Variants in GPM6A observed in about 807,000 individuals in gnomAD.
The protein encoded by GPM6A is glycoprotein M6A.
A neutral mutation model predicts 32.1 loss-of-function variants in GPM6A; 7 were observed. That is an observed-to-expected ratio of 0.22 (90% CI 0.12 to 0.41). The LOEUF (loss-of-function observed/expected upper bound fraction) is 0.41, where lower values mean the gene tolerates loss of function less well. GPM6A is among the 10% of genes least tolerant of loss of function. GPM6A has a pLI of 1.00. For missense variants in GPM6A, 235 were observed against 347.2 expected (o/e 0.68, Z 2.57); for synonymous variants, 130 against 123.4 (o/e 1.05, Z -0.35).
chr4:175,817,034 A>G (rs1477725667), upstream of GPM6A, among the ~76,000 whole-genome samples: 3 of 151,700 alleles, frequency 2.0e-5, no homozygotes, highest in Non-Finnish European at 4.4e-5. Context: ...TTTTTTTTGT[A>G]TTTGTAGTAG....
intron 1 of GPM6A, among the ~76,000 whole-genome samples, chr4:175,940,839 C>A (rs1739383272): frequency 6.6e-6 from 1 of 152,226 alleles, no homozygotes; most frequent in Non-Finnish European, 1.5e-5. Flanking sequence ...GAACTCTTGA[C>A]CTTGTGATCC....
At chr4:175,820,822 A>G (rs962620503) in intron 1 of GPM6A, among the ~76,000 whole-genome samples, 5 of 152,174 alleles carry the variant, frequency 3.3e-5, no homozygotes, top group African/African-American at 1.2e-4. Context: ...TTGATTAGAT[A>G]TCAAGAATAT....
chr4:175,835,061 G>C (rs1007678192), intron 1 of GPM6A, among the ~76,000 whole-genome samples: 1 of 152,164 alleles, frequency 6.6e-6, no homozygotes. Flanking sequence ...TGAGAAGACA[G>C]TGCTGCCGAA....
chr4:175,918,004 A>G (rs937874048), intron 1 of GPM6A, among the ~76,000 whole-genome samples: 2 of 152,142 alleles, frequency 1.3e-5, no homozygotes, highest in Admixed American at 1.3e-4. Flanking sequence ...TAGCTGCTTT[A>G]GTGATAAATC....
chr4:175,704,279 T>C (rs1745040584), intron 1 of GPM6A, among the ~76,000 whole-genome samples: 2 of 151,866 alleles, frequency 1.3e-5, no homozygotes, highest in African/African-American at 2.4e-5. Flanking sequence ...GCAAAATTGT[T>C]TCTTGAACAT....
At chr4:175,690,230 G>A (rs1744222004) in intron 2 of GPM6A, among the ~76,000 whole-genome samples, 1 of 152,198 alleles carries the variant, frequency 6.6e-6, no homozygotes, top group African/African-American at 2.4e-5. Flanking sequence ...AGACTGCAAG[G>A]TGTGGCATCT....
At chr4:175,717,185 C>A (rs1388662155) in intron 1 of GPM6A, among the ~76,000 whole-genome samples, 1 of 152,180 alleles carries the variant, frequency 6.6e-6, no homozygotes, top group Non-Finnish European at 1.5e-5. Flanking sequence ...TCGTTGCAAA[C>A]CAGCCTTTAC....
chr4:175,635,085 T>A, intron 6 of GPM6A, 28 bp from the exon 7 acceptor site: 2 of 1,593,678 alleles, frequency 1.3e-6, no homozygotes, highest in Non-Finnish European at 8.6e-7. Flanking sequence ...TAATTTATAT[T>A]GGAAGTTTGT....
At chr4:175,997,050 C>T (rs1357928347) in intron 1 of GPM6A, among the ~76,000 whole-genome samples, 1 of 151,964 alleles carries the variant, frequency 6.6e-6, no homozygotes, top group Admixed American at 6.6e-5. Flanking sequence ...GAGATAAACT[C>T]GTAGTCAACA....
At chr4:175,730,602 G>C (rs188255655) in intron 1 of GPM6A, among the ~76,000 whole-genome samples, 6,373 of 151,874 alleles carry the variant, frequency 0.042, 176 homozygotes, top group Non-Finnish European at 0.062. Context: ...TCCTGAGTAG[G>C]TGGGACTACA....
intron 1 of GPM6A, among the ~76,000 whole-genome samples, chr4:175,748,303 T>G (rs1236489353): frequency 6.6e-6 from 1 of 152,204 alleles, no homozygotes; most frequent in African/African-American, 2.4e-5. Context: ...TGCCCAGATA[T>G]ATGAGAGAAA....
chr4:175,998,528 T>A (rs948175548), intron 1 of GPM6A, among the ~76,000 whole-genome samples: 3 of 152,232 alleles, frequency 2.0e-5, no homozygotes, highest in Non-Finnish European at 4.4e-5. Context: ...AAGTAAACCA[T>A]TGGGTTTATC....
chr4:175,752,899 A>C (rs1220693685), intron 1 of GPM6A, among the ~76,000 whole-genome samples: 2 of 152,190 alleles, frequency 1.3e-5, no homozygotes, highest in Non-Finnish European at 2.9e-5. Flanking sequence ...GACTCTGTCC[A>C]ATGGTTCGAA....
chr4:175,858,080 G>A (rs1430660089), intron 1 of GPM6A, among the ~76,000 whole-genome samples: 1 of 152,080 alleles, frequency 6.6e-6, no homozygotes, highest in East Asian at 1.9e-4. Flanking sequence ...TCACTGGAGA[G>A]GTAGGCTATG....
In GPM6A at chr4:175,865,091, G is replaced by T. The variant is rs150457867; in HGVS notation, c.-22-52842C>A. ...CTCCCAAAGTGCTGGGATTACAGGC[G>T]TGAGTCACTGTGCCTGGTCTCATTT... is the stretch of plus-strand genomic sequence containing the variant. On this transcript the variant is annotated intron_variant, in intron 1 of 7. Transcript: ENST00000280187. Among the ~76,000 whole-genome samples, 692 of 152,276 alleles carry T rather than the reference G, an allele frequency of 4.5e-3. 20 individuals carry two copies. The East Asian group carries it at 0.054, about 12-fold the overall frequency.
intron 1 of GPM6A, among the ~76,000 whole-genome samples, chr4:175,974,030 T>A (rs892160632): frequency 6.6e-6 from 1 of 152,076 alleles, no homozygotes; most frequent in African/African-American, 2.4e-5. Context: ...GTCAGCAGTT[T>A]GAGACCAGCC....
intron 1 of GPM6A, among the ~76,000 whole-genome samples, chr4:175,945,074 T>G (rs1337830590): frequency 6.6e-6 from 1 of 152,166 alleles, no homozygotes; most frequent in African/African-American, 2.4e-5. Flanking sequence ...AAAGGGTGTT[T>G]TTTAAAAAAA....
intron 1 of GPM6A, among the ~76,000 whole-genome samples, chr4:175,753,448 T>A (rs897178198): frequency 6.6e-6 from 1 of 152,160 alleles, no homozygotes; most frequent in Non-Finnish European, 1.5e-5. Flanking sequence ...CAGATAATGA[T>A]GTTTTATGGA....
chr4:175,909,440 T>C (rs1738245206), intron 1 of GPM6A, among the ~76,000 whole-genome samples: 1 of 152,164 alleles, frequency 6.6e-6, no homozygotes, highest in Non-Finnish European at 1.5e-5. Context: ...ACCATACTTA[T>C]TCATGAGTAA....
Sources: gnomAD v4.1 joint callset for allele counts (sites outside exome capture counted in the v4.1 genomes callset) on GRCh38, gnomAD v4.1.1 for gene constraint, MANE v1.5 for transcripts, NCBI Gene and HGNC (gene_info 2026-07-23, HGNC 2026-07-21) for gene names.